CORO2A: variants seen among roughly 807,000 people sequenced by gnomAD.
CORO2A encodes the protein coronin-2A.
Under a neutral mutation model 62.4 loss-of-function variants are expected in CORO2A, and 47 were observed. The observed-to-expected ratio is 0.75, with a 90% CI of 0.60 to 0.96. The LOEUF (loss-of-function observed/expected upper bound fraction) is 0.96. Ranked by LOEUF, CORO2A falls within the 40% of genes least tolerant of loss-of-function variation. The pLI is 0.00. For missense variants in CORO2A, 610 were observed against 684.1 expected (o/e 0.89, Z 1.21); for synonymous variants, 273 against 268.9 (o/e 1.02, Z -0.15).
intron 2 of CORO2A, among the ~76,000 whole-genome samples, chr9:98,154,476 G>T (rs922348079): frequency 6.6e-6 from 1 of 151,298 alleles, no homozygotes; most frequent in East Asian, 1.9e-4. Flanking sequence ...ACCCATAATT[G>T]CTACCCTCCC....
intron 3 of CORO2A, among the ~76,000 whole-genome samples, chr9:98,135,252 G>A (rs953228670): frequency 6.6e-6 from 1 of 152,196 alleles, no homozygotes; most frequent in African/African-American, 2.4e-5. Flanking sequence ...CTGGCCTGAG[G>A]TGGTGGGCAG....
At chr9:98,153,099 T>G (rs976813997) in intron 2 of CORO2A, among the ~76,000 whole-genome samples, 8 of 152,160 alleles carry the variant, frequency 5.3e-5, no homozygotes, top group African/African-American at 1.9e-4. Flanking sequence ...TATAACTTTT[T>G]CTCTTTTTTT....
chr9:98,143,376 G>A (rs3780465), intron 2 of CORO2A, among the ~76,000 whole-genome samples: 15,331 of 152,240 alleles, frequency 0.1, 1,093 homozygotes, highest in East Asian at 0.28. Flanking sequence ...CATAGTCATG[G>A]CCTCAAATGA....
intron 1 of CORO2A, among the ~76,000 whole-genome samples, chr9:98,174,419 A>G (rs1828081551): frequency 6.6e-6 from 1 of 152,230 alleles, no homozygotes; most frequent in Non-Finnish European, 1.5e-5. Flanking sequence ...CAGTCTGAAC[A>G]TAAGCTCTTC....
At chr9:98,170,670 C>T (rs1035990244) in intron 1 of CORO2A, among the ~76,000 whole-genome samples, 1 of 152,178 alleles carries the variant, frequency 6.6e-6, no homozygotes, top group Non-Finnish European at 1.5e-5. Context: ...TCTTGAACTC[C>T]TGACCTCAGG....
At chr9:98,186,051 G>A (rs1011344891) in intron 1 of CORO2A, among the ~76,000 whole-genome samples, 11 of 152,258 alleles carry the variant, frequency 7.2e-5, no homozygotes, top group African/African-American at 2.7e-4. Context: ...TGCACTGCCT[G>A]TGGGCAGGGT....
chr9:98,168,144 T>C (rs1228752097), intron 1 of CORO2A, among the ~76,000 whole-genome samples: 5 of 152,170 alleles, frequency 3.3e-5, no homozygotes, highest in Non-Finnish European at 5.9e-5. Flanking sequence ...AAAATCCAGC[T>C]CCTTAGTCAC....
chr9:98,142,430 C>G (rs577961114), intron 2 of CORO2A, among the ~76,000 whole-genome samples: 1 of 152,000 alleles, frequency 6.6e-6, no homozygotes, highest in East Asian at 2.0e-4. Flanking sequence ...GGCCTCCTTC[C>G]TGCACACAGC....
rs1004362940 is a variant in CORO2A, at chr9:98,186,803, C to A, written c.-1+5756G>T. 1.4e-4 allele frequency among the ~76,000 whole-genome samples: 22 copies of A among 151,922 alleles called. No individual in the cohort carries two copies. The Middle Eastern group carries it at 0.01, about 70-fold the overall frequency. Reference sequence around the variant, plus strand: ...ATAAGTGTTTGTTAAATATATAAGCCCAGGGTCAGCCTGGCTTCCTCCTCA... The same window carrying A: ...ATAAGTGTTTGTTAAATATATAAGCACAGGGTCAGCCTGGCTTCCTCCTCA... On this transcript the variant is annotated intron_variant, in intron 1 of 11. Coordinates refer to ENST00000375077, the MANE Select transcript of CORO2A (RefSeq NM_052820.4).
chr9:98,167,300 G>A (rs925376956), intron 1 of CORO2A, among the ~76,000 whole-genome samples: 1 of 152,132 alleles, frequency 6.6e-6, no homozygotes, highest in African/African-American at 2.4e-5. Flanking sequence ...GCCAGGGGCT[G>A]AGGGTAGGGA....
chr9:98,141,231 C>G (rs1241623734), intron 2 of CORO2A, among the ~76,000 whole-genome samples: 1 of 152,020 alleles, frequency 6.6e-6, no homozygotes, highest in East Asian at 1.9e-4. Flanking sequence ...TACAGCAGGA[C>G]AGGGGAGAGA....
At chr9:98,143,798 T>C (rs1366710713) in intron 2 of CORO2A, among the ~76,000 whole-genome samples, 1 of 152,194 alleles carries the variant, frequency 6.6e-6, no homozygotes, top group African/African-American at 2.4e-5. Context: ...CTTTCCTACA[T>C]AGCAGTGGCT....
chr9:98,133,780 T>C (rs906346606), intron 4 of CORO2A, among the ~76,000 whole-genome samples: 5 of 151,894 alleles, frequency 3.3e-5, no homozygotes, highest in African/African-American at 1.2e-4. Flanking sequence ...TTATTTATTT[T>C]TGAGACAGGA....
rs865788287 is a variant in CORO2A, at chr9:98,126,043, T to G, written c.1446+506A>C. Among the ~76,000 whole-genome samples the G allele has an allele frequency of 8.0e-3, 1,143 of 143,258 alleles. 12 individuals are homozygous for G. Among genetic ancestry groups the G allele is most frequent in the African/African-American group, 0.028 (1,067 of 38,274 alleles). 94.0% of individuals were successfully genotyped at this position (143,258 alleles called of 152,430 possible). A position where few individuals can be genotyped will look rare whatever the true frequency, so the allele number is the denominator to read the frequency against. ...ACCTGGTCCCCACCATCTTTTTTTT[T>G]TTTTTTTTTTAAGATGGAGTCTTGC... is the stretch of plus-strand genomic sequence containing the variant. On this transcript the variant is annotated intron_variant, in intron 11 of 11. Coordinates refer to ENST00000375077, the MANE Select transcript of CORO2A (RefSeq NM_052820.4).
intron 1 of CORO2A, among the ~76,000 whole-genome samples, chr9:98,165,494 G>A (rs748635756): frequency 3.9e-5 from 6 of 152,202 alleles, no homozygotes; most frequent in Non-Finnish European, 7.3e-5. Flanking sequence ...AGCCGTGTCA[G>A]GAGCAGGGCT....
chr9:98,192,298 C>G (rs937124556), intron 1 of CORO2A, among the ~76,000 whole-genome samples: 26 of 152,218 alleles, frequency 1.7e-4, no homozygotes, highest in Non-Finnish European at 3.4e-4. Context: ...GTCGGGAGCC[C>G]GGACCTCGAG....
At chr9:98,147,338 C>CG (rs1399012547) in intron 2 of CORO2A, among the ~76,000 whole-genome samples, 1 of 151,120 alleles carries the variant, frequency 6.6e-6, no homozygotes, top group African/African-American at 2.4e-5. Context: ...TGGTAGGGGG[C>CG]GGGGGGCAGA....
chr9:98,192,256 G>A (rs1388778051), intron 1 of CORO2A, among the ~76,000 whole-genome samples: 1 of 152,222 alleles, frequency 6.6e-6, no homozygotes, highest in East Asian at 1.9e-4. Context: ...AGGGGTGGGC[G>A]GTGCAGACAG....
intron 3 of CORO2A, among the ~76,000 whole-genome samples, chr9:98,136,659 C>T (rs1827490127): frequency 6.6e-6 from 1 of 152,242 alleles, no homozygotes; most frequent in South Asian, 2.1e-4. Flanking sequence ...CTGCCTCCCA[C>T]AGGCTGTGTA....
Sources: gnomAD v4.1 joint callset for allele counts (sites outside exome capture counted in the v4.1 genomes callset) on GRCh38, gnomAD v4.1.1 for gene constraint, MANE v1.5 for transcripts, NCBI Gene and HGNC (gene_info 2026-07-23, HGNC 2026-07-21) for gene names.